Variants in KAZN observed in about 807,000 individuals in gnomAD.
KAZN encodes kazrin, periplakin interacting protein.
In KAZN, 40 loss-of-function variants were observed where a neutral mutation model predicts 87.4. That is an observed-to-expected ratio of 0.46 (90% confidence interval 0.36 to 0.60). The LOEUF is 0.60. Ranked by LOEUF, KAZN falls within the 20% of genes least tolerant of loss-of-function variation. KAZN has a pLI of 0.00. For missense variants in KAZN, 898 were observed against 1,073.9 expected (o/e 0.84, Z 2.29); for synonymous variants, 466 against 458.3 (o/e 1.02, Z -0.22).
At chr1:14,303,300 G>A (rs756930917) in intron 2 of KAZN, among the ~76,000 whole-genome samples, 4 of 152,064 alleles carry the variant, frequency 2.6e-5, no homozygotes, top group Non-Finnish European at 5.9e-5. Context: ...ATGGAGTGCC[G>A]TGGTGAGATC....
chr1:14,712,448 G>A (rs957243662), intron 1 of KAZN, among the ~76,000 whole-genome samples: 6 of 152,184 alleles, frequency 3.9e-5, no homozygotes, highest in East Asian at 1.9e-4. Context: ...CAACAATGCC[G>A]AAATTACACC....
At chr1:15,079,598 C>T (rs1211878916) in intron 8 of KAZN, among the ~76,000 whole-genome samples, 1 of 152,278 alleles carries the variant, frequency 6.6e-6, no homozygotes, top group East Asian at 1.9e-4. Context: ...CACACGTGCC[C>T]GGCCTCTGCA....
At chr1:13,971,870 C>G (rs1165403357) in intron 1 of KAZN, among the ~76,000 whole-genome samples, 1 of 152,170 alleles carries the variant, frequency 6.6e-6, no homozygotes, top group Non-Finnish European at 1.5e-5. Flanking sequence ...CCTCTTGCTC[C>G]TGCTTCCTCC....
At chr1:14,935,665 CCT>C (rs1390404034) in intron 1 of KAZN, among the ~76,000 whole-genome samples, 3 of 152,106 alleles carry the variant, frequency 2.0e-5, no homozygotes, top group African/African-American at 7.2e-5. Context: ...TTCTATTTTT[CCT>C]CTCTCCCTCC....
At chr1:13,929,354 A>C (rs988701809) in intron 1 of KAZN, among the ~76,000 whole-genome samples, 1 of 152,084 alleles carries the variant, frequency 6.6e-6, no homozygotes, top group African/African-American at 2.4e-5. Flanking sequence ...TACCTTATAC[A>C]TTCATTGGAG....
intron 1 of KAZN, among the ~76,000 whole-genome samples, chr1:14,148,850 G>C (rs1288788455): frequency 6.6e-6 from 1 of 152,178 alleles, no homozygotes; most frequent in Non-Finnish European, 1.5e-5. Flanking sequence ...CGTATCAGCT[G>C]TCTTTATTTT....
At chr1:14,961,932 A>G (rs1663917193) in intron 2 of KAZN, among the ~76,000 whole-genome samples, 1 of 152,086 alleles carries the variant, frequency 6.6e-6, no homozygotes, top group Non-Finnish European at 1.5e-5. Context: ...TCCCTGAGAG[A>G]CCCCAGGGAA....
chr1:14,806,568 G>A (rs59825600), intron 1 of KAZN, among the ~76,000 whole-genome samples: 17,804 of 152,130 alleles, frequency 0.12, 1,538 homozygotes, highest in East Asian at 0.48. Context: ...GACAGGCACT[G>A]TCTTCCATTT....
intron 1 of KAZN, among the ~76,000 whole-genome samples, chr1:14,147,315 G>A (rs1645374078): frequency 6.6e-6 from 1 of 152,166 alleles, no homozygotes; most frequent in Non-Finnish European, 1.5e-5. Flanking sequence ...ACTGTATAAT[G>A]TTGAAGAATG....
chr1:14,924,427 G>T, intron 1 of KAZN: 1 of 988,324 alleles, frequency 1.0e-6, no homozygotes, highest in South Asian at 4.5e-5. Flanking sequence ...AGGGCGAGCC[G>T]GCGCCTTCCT....
chr1:14,693,730 G>A (rs139537867), intron 1 of KAZN, among the ~76,000 whole-genome samples: 17 of 152,288 alleles, frequency 1.1e-4, no homozygotes, highest in Middle Eastern at 6.8e-3. Context: ...AGAGGCACCC[G>A]TTTTTCTTGG....
At chr1:15,065,592 C>T (rs1381250241) in intron 7 of KAZN, 38 bp from the exon 8 acceptor site, 1 of 1,544,360 alleles carries the variant, frequency 6.5e-7, no homozygotes, top group East Asian at 2.3e-5. Context: ...CTTTCTTCTT[C>T]TCCCCCACCC....
At chr1:14,419,727 G>C (rs1557708307) in intron 2 of KAZN, among the ~76,000 whole-genome samples, 1 of 152,114 alleles carries the variant, frequency 6.6e-6, no homozygotes, top group South Asian at 2.1e-4. Context: ...GCAGACCTCC[G>C]CGGTGAGCGT....
At chr1:15,101,297 C>T (rs967312867) in intron 10 of KAZN, among the ~76,000 whole-genome samples, 5 of 151,736 alleles carry the variant, frequency 3.3e-5, no homozygotes, top group African/African-American at 1.2e-4. Context: ...GTGTCCCTTT[C>T]TCTCTCTCTG....
At chr1:14,537,147 C>T (rs1474133077) in intron 2 of KAZN, among the ~76,000 whole-genome samples, 1 of 152,206 alleles carries the variant, frequency 6.6e-6, no homozygotes, top group Non-Finnish European at 1.5e-5. Flanking sequence ...CCAGTTTACA[C>T]TCCAAATAAC....
intron 1 of KAZN, among the ~76,000 whole-genome samples, chr1:14,679,427 G>A (rs1298205968): frequency 1.3e-5 from 2 of 152,128 alleles, no homozygotes; most frequent in African/African-American, 2.4e-5. Flanking sequence ...GTGATATGGG[G>A]TAGGGGGAAT....
At chr1:14,188,506 T>C (rs868137501) in intron 2 of KAZN, among the ~76,000 whole-genome samples, 1 of 152,096 alleles carries the variant, frequency 6.6e-6, no homozygotes, top group Middle Eastern at 3.4e-3. Flanking sequence ...GCTGGGGACA[T>C]AGAGACACAC....
At chr1:14,490,779 G>A (rs1669607780) in intron 2 of KAZN, among the ~76,000 whole-genome samples, 1 of 152,104 alleles carries the variant, frequency 6.6e-6, no homozygotes, top group South Asian at 2.1e-4. Context: ...TTTTTTAAAT[G>A]TAGAAAAAAT....
intron 2 of KAZN, chr1:14,222,192 C>T (rs1258135560): frequency 6.6e-6 from 1 of 152,140 alleles, no homozygotes; most frequent in Non-Finnish European, 1.5e-5. Flanking sequence ...GTTCTGACTC[C>T]AGATAGCTCT....
Sources: allele counts gnomAD v4.1 joint callset (sites outside exome capture counted in the v4.1 genomes callset), GRCh38; gene constraint gnomAD v4.1.1; transcripts MANE v1.5; gene names NCBI Gene and HGNC (gene_info 2026-07-23, HGNC 2026-07-21).